The following CPO variants were observed in gnomAD, a reference collection of about 807,000 sequenced individuals.
CPO encodes metallocarboxypeptidase C.
Under a neutral mutation model 41.2 loss-of-function variants are expected in CPO, and 43 were observed. The observed-to-expected ratio is 1.04, with a 90% CI of 0.82 to 1.35. CPO has a LOEUF of 1.35. Among genes scored for constraint, CPO ranks in the 40% most tolerant of loss-of-function variants. The probability of loss-of-function intolerance (pLI) is 0.00; values close to 1 mark genes in which losing one functional copy is unlikely to be tolerated. For missense variants in CPO, 408 were observed against 451.7 expected, an observed-to-expected ratio of 0.90 and a Z score of 0.88; for synonymous variants, 178 against 162.7, an observed-to-expected ratio of 1.09 and a Z score of -0.72.
intron 3 of CPO, among the ~76,000 whole-genome samples, chr2:206,955,890 A>T (rs1242487259): frequency 6.6e-6 from 1 of 152,192 alleles, no homozygotes; most frequent in East Asian, 1.9e-4. Context: ...CTGTATTTTA[A>T]GTTGTTATTT....
At chr2:206,958,907 A>G (rs769954426) in intron 4 of CPO, among the ~76,000 whole-genome samples, 4 of 151,540 alleles carry the variant, frequency 2.6e-5, no homozygotes, top group Non-Finnish European at 5.9e-5. Context: ...ATGCCCAGCT[A>G]ATTTTGTATT....
intron 7 of CPO, among the ~76,000 whole-genome samples, chr2:206,965,460 T>A (rs1480553877): frequency 6.6e-6 from 1 of 152,208 alleles, no homozygotes; most frequent in African/African-American, 2.4e-5. Context: ...TGGTAAATAT[T>A]ATACTACATG....
At chr2:206,949,142 T>G (rs1271193983) in intron 1 of CPO, among the ~76,000 whole-genome samples, 1 of 152,016 alleles carries the variant, frequency 6.6e-6, no homozygotes, top group East Asian at 1.9e-4. Context: ...AGGTCTTCAG[T>G]CAGACTGTCA....
In CPO at chr2:206,964,813, A is replaced by G. The variant is rs187152915; in HGVS notation, c.777+2199A>G. On this transcript the variant is annotated intron_variant, in intron 7 of 8. Coordinates refer to ENST00000272852, the MANE Select transcript of CPO (RefSeq NM_173077.3). ...CAAACACAAATGAATCTCCGAAGAC[A>G]GGTAATTAGAGATCTTTGATGGAAA... 3.4e-4 allele frequency among the ~76,000 whole-genome samples: 52 copies of G among 152,364 alleles called. No individual in the cohort carries two copies. The East Asian group carries it at 0.01, about 29-fold the overall frequency.
intron 4 of CPO, among the ~76,000 whole-genome samples, chr2:206,959,136 G>A (rs1421306428): frequency 6.6e-6 from 1 of 152,148 alleles, no homozygotes; most frequent in Admixed American, 6.6e-5. Flanking sequence ...AAAATACCCA[G>A]CACAGTGAAT....
rs149473298 is a variant in CPO at position 206,960,935 on chromosome 2, T to C, written c.567T>C (p.Ser189=). 3.8e-5 allele frequency: 61 copies of C among 1,596,612 alleles called. No individual in the cohort carries two copies. The highest frequency in any genetic ancestry group is 5.1e-5 in the Non-Finnish European group (59 of 1,164,092). ...GTDLNRNFNA[S]WCSIGASRNC... Reference sequence around the variant, plus strand: ...ATCTCAATCGAAATTTCAATGCATCTTGGTGTAGTAAGTACATGCTTAGTA... The same window carrying C: ...ATCTCAATCGAAATTTCAATGCATCCTGGTGTAGTAAGTACATGCTTAGTA... The change falls in exon 6 of 9, where the codon TCT becomes TCC. Residue 189 remains serine, a synonymous_variant. Coordinates refer to ENST00000272852, the MANE Select transcript of CPO (RefSeq NM_173077.3).
intron 2 of CPO, among the ~76,000 whole-genome samples, chr2:206,951,772 G>C (rs1693268950): frequency 6.6e-6 from 1 of 152,204 alleles, no homozygotes; most frequent in African/African-American, 2.4e-5. Context: ...AGAAATAGTA[G>C]TATCTATCTT....
intron 1 of CPO, among the ~76,000 whole-genome samples, chr2:206,940,156 T>C (rs1480355379): frequency 6.6e-6 from 1 of 152,162 alleles, no homozygotes; most frequent in East Asian, 1.9e-4. Context: ...TCCTATGGCA[T>C]TAGCAATTTA....
At chr2:206,949,793 A>T in intron 2 of CPO, 80 bp downstream of exon 2, 1 of 867,672 alleles carries the variant, frequency 1.2e-6, no homozygotes, top group Non-Finnish European at 1.9e-6. Context: ...CACTAGTAAT[A>T]TCCATGCATT....
At chr2:206,969,041 A>G in intron 8 of CPO, 133 bp from the exon 9 acceptor site, 1 of 894,000 alleles carries the variant, frequency 1.1e-6, no homozygotes, top group South Asian at 1.7e-5. Flanking sequence ...AAGAGAAGAC[A>G]GCTATTTCTG....
chr2:206,945,128 TA>T (rs755061337), intron 1 of CPO, among the ~76,000 whole-genome samples: 2 of 152,198 alleles, frequency 1.3e-5, no homozygotes, highest in East Asian at 1.9e-4. Context: ...GGGAAGGTAC[TA>T]TTATTATTCC....
chr2:206,959,566 T>A, intron 4 of CPO, 65 bp from the exon 5 acceptor site: 1 of 787,654 alleles, frequency 1.3e-6, no homozygotes. Context: ...AAGTTGAAAT[T>A]GGTAGAAAAT....
intron 6 of CPO, among the ~76,000 whole-genome samples, chr2:206,961,834 G>C (rs1693483514): frequency 6.6e-6 from 1 of 151,916 alleles, no homozygotes; most frequent in Admixed American, 6.6e-5. Context: ...GCTCATGCCT[G>C]TAATCCCAGC....
intron 2 of CPO, 74 bp from the exon 3 acceptor site, chr2:206,955,389 G>T: frequency 1.2e-6 from 1 of 859,612 alleles, no homozygotes; most frequent in Non-Finnish European, 2.0e-6. Context: ...GTCAGTGAAA[G>T]AAGCAGTTAT....
At position 206,969,178 on chromosome 2, in the gene CPO, CT is replaced by C. The variant is rs1231818294; in HGVS notation, c.868del (p.Ser290HisfsTer22). On this transcript the variant is annotated frameshift_variant, in exon 9 of 9. Transcript: ENST00000272852. LOFTEE classifies it low-confidence loss of function (END_TRUNC). ...VGSSADILYA[S>X]SGSSRDWARD... The stretch of plus-strand genomic sequence containing the variant: ...CCTTCATGTTTTCACCTGTAGATGC[CT>C]CATCAGGGTCTTCAAGAGATTGGGC... 1.9e-6 allele frequency: 3 copies of C among 1,614,022 alleles called. No individual in the cohort carries two copies. In the African/African-American group the frequency reaches 4.0e-5, roughly 22 times the overall value.
Position 206,953,131 on chromosome 2 carries a change from G to A in CPO, c.166-2332G>A, listed in dbSNP as rs537503817. On this transcript the variant is annotated intron_variant, in intron 2 of 8. Coordinates refer to ENST00000272852, the MANE Select transcript of CPO (RefSeq NM_173077.3). ...ACACAACCAAACCATATATTCCACC[G>A]CTGGCCCTTCCCAAATCTCATGTCA... is the stretch of plus-strand genomic sequence containing the variant. Among the ~76,000 whole-genome samples, 226 of 152,144 alleles carry A rather than the reference G, an allele frequency of 1.5e-3. 2 individuals carry two copies. The highest frequency in any genetic ancestry group is 5.3e-3 in the African/African-American group (219 of 41,504).
intron 3 of CPO, among the ~76,000 whole-genome samples, chr2:206,956,617 C>T (rs1574352273): frequency 6.6e-6 from 1 of 152,288 alleles, no homozygotes; most frequent in East Asian, 1.9e-4. Flanking sequence ...AGCCAAAAGG[C>T]TGAGAAGCGA....
At chr2:206,961,598 G>A (rs1188346915) in intron 6 of CPO, among the ~76,000 whole-genome samples, 1 of 152,164 alleles carries the variant, frequency 6.6e-6, no homozygotes, top group East Asian at 1.9e-4. Flanking sequence ...CTAGCAGATA[G>A]GAGGTGCTCA....
chr2:206,950,853 C>T lies in CPO; in HGVS notation c.165+1140C>T, dbSNP rs903840567. Among the ~76,000 whole-genome samples the T allele has an allele frequency of 4.5e-4, 69 of 152,036 alleles. 2 individuals carry two copies. Among genetic ancestry groups the T allele is most frequent in the Admixed American group, 1.3e-3 (20 of 15,254 alleles). ...GAAAACCAAACGCTGCATGTTCTCA[C>T]CCATAAGTGGGAGTTGAATAGTGAG... On this transcript the variant is annotated intron_variant, in intron 2 of 8. Transcript: ENST00000272852.
Sources: allele counts gnomAD v4.1 joint callset (sites outside exome capture counted in the v4.1 genomes callset), GRCh38; gene constraint gnomAD v4.1.1; transcripts MANE v1.5; gene names NCBI Gene and HGNC (gene_info 2026-07-23, HGNC 2026-07-21).